The following PTPRT variants were observed in gnomAD, a reference collection of about 807,000 sequenced individuals.
PTPRT encodes protein tyrosine phosphatase receptor type T.
PTPRT carries 56 observed loss-of-function variants against 176.8 expected under a neutral mutation model. The ratio of observed to expected loss-of-function variants is 0.32; its 90% CI spans 0.26 to 0.40. The LOEUF is 0.40. PTPRT is among the 10% of genes least tolerant of loss of function. The pLI is 1.00. For missense variants in PTPRT, 1,540 were observed against 1,908.2 expected (o/e 0.81, Z 3.60); for synonymous variants, 783 against 739.0 (o/e 1.06, Z -0.96).
chr20:42,194,124 A>ACTT (rs1991106182), intron 16 of PTPRT, among the ~76,000 whole-genome samples: 1 of 152,234 alleles, frequency 6.6e-6, no homozygotes, highest in African/African-American at 2.4e-5. Context: ...TTGCAGAAAG[A>ACTT]CTTCGTAAAC....
chr20:42,089,332 A>G (rs1984366514), intron 27 of PTPRT, among the ~76,000 whole-genome samples: 1 of 151,220 alleles, frequency 6.6e-6, no homozygotes, highest in Non-Finnish European at 1.5e-5. Context: ...ACTGCCCATT[A>G]AAAAAAATAA....
At position 42,527,108 on chromosome 20, in the gene PTPRT, C is replaced by T. The variant is rs374377892; in HGVS notation, c.1154-54546G>A. Reference sequence around the variant, plus strand: ...CCTCCCAAGTGACTGGGACTACAGGCGCCTGCCACTATGTCCAGCTAATTT... The same window carrying T: ...CCTCCCAAGTGACTGGGACTACAGGTGCCTGCCACTATGTCCAGCTAATTT... On this transcript the variant is annotated intron_variant, in intron 7 of 30. Coordinates refer to ENST00000373187, the MANE Select transcript of PTPRT (RefSeq NM_007050.6). Among the ~76,000 whole-genome samples the T allele has an allele frequency of 3.3e-4, 50 of 151,796 alleles. No individual in the cohort carries two copies. In the East Asian group the frequency reaches 9.0e-3, roughly 27 times the overall value.
At chr20:42,983,755 C>T (rs1600621112) in intron 1 of PTPRT, among the ~76,000 whole-genome samples, 1 of 152,242 alleles carries the variant, frequency 6.6e-6, no homozygotes, top group East Asian at 1.9e-4. Flanking sequence ...ACTTCCACCC[C>T]ACTGTCGTGT....
intron 1 of PTPRT, among the ~76,000 whole-genome samples, chr20:42,990,922 CAGAA>C (rs1229708126): frequency 3.3e-5 from 5 of 151,906 alleles, no homozygotes; most frequent in Admixed American, 1.3e-4. Context: ...CAGTATTGAT[CAGAA>C]AGAGTTTTTG....
the PTPRT span, among the ~76,000 whole-genome samples, chr20:42,045,897 G>A: frequency 1.3e-5 from 2 of 152,158 alleles, no homozygotes; most frequent in Non-Finnish European, 2.9e-5. Context: ...GGTAGTCATT[G>A]AAATCATCCC....
chr20:43,059,006 T>C (rs1026270398), intron 1 of PTPRT, among the ~76,000 whole-genome samples: 11 of 152,138 alleles, frequency 7.2e-5, no homozygotes, highest in Non-Finnish European at 1.3e-4. Context: ...GTAGGGCATG[T>C]CAAGGTCCTG....
chr20:42,121,410 AT>A (rs1013016472), intron 19 of PTPRT, among the ~76,000 whole-genome samples: 1 of 151,950 alleles, frequency 6.6e-6, no homozygotes, highest in African/African-American at 2.4e-5. Flanking sequence ...TAAGCTTAAA[AT>A]TTTTTTTGTC....
chr20:42,195,993 T>C (rs1353349414), intron 16 of PTPRT, among the ~76,000 whole-genome samples: 2 of 152,216 alleles, frequency 1.3e-5, no homozygotes, highest in Non-Finnish European at 2.9e-5. Flanking sequence ...ACAGTGACAA[T>C]GTTATCCTTT....
intron 2 of PTPRT, among the ~76,000 whole-genome samples, chr20:42,800,909 G>A (rs2077521438): frequency 6.6e-6 from 1 of 152,102 alleles, no homozygotes; most frequent in Non-Finnish European, 1.5e-5. Flanking sequence ...CCCCTCACCT[G>A]AGGCTTTTAT....
intron 7 of PTPRT, among the ~76,000 whole-genome samples, chr20:42,569,112 A>ATATATATATAT (rs1344948586): frequency 8.8e-5 from 10 of 113,992 alleles, no homozygotes; most frequent in East Asian, 2.7e-4. Context: ...ATATATATAT[A>ATATATATATAT]ATTTCAACTT....
chr20:42,567,155 C>A (rs1483551901), intron 7 of PTPRT, among the ~76,000 whole-genome samples: 1 of 151,950 alleles, frequency 6.6e-6, no homozygotes, highest in Non-Finnish European at 1.5e-5. Context: ...TGCCTGTAAT[C>A]CCAGCTACTC....
At chr20:42,648,214 CAAG>C (rs1259412070) in intron 7 of PTPRT, among the ~76,000 whole-genome samples, 3 of 152,094 alleles carry the variant, frequency 2.0e-5, no homozygotes, top group Non-Finnish European at 4.4e-5. Context: ...AAAAATGGCT[CAAG>C]AAGAACAGAC....
intron 1 of PTPRT, among the ~76,000 whole-genome samples, chr20:42,924,669 G>A (rs1001132070): frequency 4.6e-5 from 7 of 152,180 alleles, no homozygotes; most frequent in East Asian, 1.9e-4. Context: ...CAAATATCCC[G>A]ATCCGTACAT....
chr20:43,139,185 G>A (rs2013925549), intron 1 of PTPRT, among the ~76,000 whole-genome samples: 1 of 152,222 alleles, frequency 6.6e-6, no homozygotes, highest in Non-Finnish European at 1.5e-5. Context: ...TGGAGACTGT[G>A]ACTTTATCAA....
chr20:42,782,877 A>C (rs1213211887), intron 3 of PTPRT, among the ~76,000 whole-genome samples: 2 of 152,242 alleles, frequency 1.3e-5, no homozygotes, highest in Admixed American at 1.3e-4. Context: ...CAAGGGACTT[A>C]AGTGAAGAAA....
the PTPRT span, among the ~76,000 whole-genome samples, chr20:42,048,736 C>T: frequency 6.6e-6 from 1 of 152,208 alleles, no homozygotes; most frequent in Non-Finnish European, 1.5e-5. Context: ...TATGACAAGT[C>T]ATCTTCCCTC....
intron 7 of PTPRT, among the ~76,000 whole-genome samples, chr20:42,645,527 C>G (rs1042711624): frequency 2.0e-5 from 3 of 152,058 alleles, no homozygotes; most frequent in African/African-American, 4.8e-5. Context: ...ATGACTTACA[C>G]CCAAATCAGG....
intron 13 of PTPRT, among the ~76,000 whole-genome samples, chr20:42,274,950 G>A (rs903017190): frequency 6.6e-6 from 1 of 152,174 alleles, no homozygotes; most frequent in Non-Finnish European, 1.5e-5. Context: ...CATCCTGTCA[G>A]TGGTCAATGA....
At chr20:42,034,943 T>C in the PTPRT span, among the ~76,000 whole-genome samples, 1 of 152,110 alleles carries the variant, frequency 6.6e-6, no homozygotes, top group Non-Finnish European at 1.5e-5. Context: ...CAGTCAGAGC[T>C]CTAGGACCCT....
Sources: allele counts gnomAD v4.1 joint callset (sites outside exome capture counted in the v4.1 genomes callset), GRCh38; gene constraint gnomAD v4.1.1; transcripts MANE v1.5; gene names NCBI Gene and HGNC (gene_info 2026-07-23, HGNC 2026-07-21).